Variants in PRKCA observed in about 807,000 individuals in gnomAD.
PRKCA encodes protein kinase C alpha, also known as protein kinase C alpha type.
In PRKCA, 27 loss-of-function variants were observed where a neutral mutation model predicts 87.0. The observed-to-expected ratio is 0.31, with a 90% CI of 0.23 to 0.43. The LOEUF is 0.43. Among genes scored for constraint, PRKCA ranks in the 20% least tolerant of loss-of-function variants. The pLI is 1.00. For missense variants in PRKCA, 518 were observed against 852.3 expected, an observed-to-expected ratio of 0.61 and a Z score of 4.88; for synonymous variants, 329 against 311.1, an observed-to-expected ratio of 1.06 and a Z score of -0.61.
At position 66,413,130 on chromosome 17, in the gene PRKCA, A is replaced by T. The variant is rs372627518; in HGVS notation, c.206-83071A>T. 1.3e-3 allele frequency among the ~76,000 whole-genome samples: 195 copies of T among 152,302 alleles called. 4 individuals are homozygous for T. In the South Asian group the frequency reaches 0.038, roughly 29 times the overall value. ...CTACTGCTTCTCTCCTCAGATGCCA[A>T]CGTAAATCGCCAGATTGTGACCTGT... On this transcript the variant is annotated intron_variant, in intron 2 of 16. Coordinates refer to ENST00000413366, the MANE Select transcript of PRKCA (RefSeq NM_002737.3).
intron 3 of PRKCA, among the ~76,000 whole-genome samples, chr17:66,602,743 G>T (rs1053033839): frequency 6.6e-6 from 1 of 152,204 alleles, no homozygotes; most frequent in Admixed American, 6.5e-5. Flanking sequence ...GGTGGCCTTG[G>T]AGGTTCTGGC....
Position 66,731,226 on chromosome 17 carries a change from C to A in PRKCA, c.919-1462C>A, listed in dbSNP as rs191202202. On this transcript the variant is annotated intron_variant, in intron 8 of 16. Coordinates refer to ENST00000413366, the MANE Select transcript of PRKCA (RefSeq NM_002737.3). ...AAATTAGCCATGCATGGTGGCGAAT[C>A]CCAGCTACTCAAGAGGCTGAGGCAG... Among the ~76,000 whole-genome samples the A allele has an allele frequency of 3.2e-3, 490 of 152,084 alleles. 10 individuals are homozygous for A. The highest frequency in any genetic ancestry group is 3.4e-3 in the Middle Eastern group (1 of 294).
rs141411114 is a variant in PRKCA, at chr17:66,745,145, G to A, written c.1524+2385G>A. Among the ~76,000 whole-genome samples the A allele has an allele frequency of 1.3e-3, 202 of 152,294 alleles. 1 individual carries two copies. The highest frequency in any genetic ancestry group is 5.8e-4 in the East Asian group (3 of 5,188). ...ATGTGGACATCTGTTGGGGAGAGGGGACTTAGTCTATCACACTTGTTATAT... is the reference window on the plus strand; with the variant it reads ...ATGTGGACATCTGTTGGGGAGAGGGAACTTAGTCTATCACACTTGTTATAT... On this transcript the variant is annotated intron_variant, in intron 13 of 16. Transcript: ENST00000413366.
intron 3 of PRKCA, among the ~76,000 whole-genome samples, chr17:66,585,184 C>T (rs1400838110): frequency 6.6e-6 from 1 of 152,142 alleles, no homozygotes; most frequent in Non-Finnish European, 1.5e-5. Context: ...ATGGCTGCCC[C>T]ACCCTAATCT....
At chr17:66,522,071 T>C (rs1421592175) in intron 3 of PRKCA, among the ~76,000 whole-genome samples, 1 of 152,194 alleles carries the variant, frequency 6.6e-6, no homozygotes, top group Non-Finnish European at 1.5e-5. Flanking sequence ...GCTTCCACCC[T>C]GTATGACAGA....
chr17:66,739,756 T>C (rs1974116000), intron 11 of PRKCA, among the ~76,000 whole-genome samples: 1 of 151,634 alleles, frequency 6.6e-6, no homozygotes, highest in East Asian at 1.9e-4. Context: ...GTGAGATTAT[T>C]TGAGGGGCGG....
chr17:66,314,856 T>C (rs1905225680), intron 2 of PRKCA, among the ~76,000 whole-genome samples: 1 of 139,428 alleles, frequency 7.2e-6, no homozygotes, highest in African/African-American at 2.7e-5. Flanking sequence ...TCTCTCTCTC[T>C]CTCTCTAGAT....
At chr17:66,647,319 C>G (rs1971482545) in intron 5 of PRKCA, among the ~76,000 whole-genome samples, 1 of 152,188 alleles carries the variant, frequency 6.6e-6, no homozygotes, top group South Asian at 2.1e-4. Context: ...CCATGCTTTT[C>G]TTACCTTTTC....
intron 14 of PRKCA, among the ~76,000 whole-genome samples, chr17:66,781,887 A>ATATATAGT (rs767300220): frequency 2.4e-4 from 30 of 125,616 alleles, no homozygotes; most frequent in African/African-American, 8.2e-4. Context: ...ATATATATAT[A>ATATATAGT]GTGTGTGTGT....
chr17:66,727,892 C>T (rs915302805), intron 8 of PRKCA, among the ~76,000 whole-genome samples: 2 of 152,144 alleles, frequency 1.3e-5, no homozygotes, highest in African/African-American at 4.8e-5. Flanking sequence ...TATGGTTCCT[C>T]GTCCCCCTGC....
chr17:66,377,140 C>T (rs1909467947), intron 2 of PRKCA, among the ~76,000 whole-genome samples: 1 of 152,132 alleles, frequency 6.6e-6, no homozygotes, highest in Non-Finnish European at 1.5e-5. Flanking sequence ...ATTTTCCTGC[C>T]TCAGCCTCCC....
intron 1 of PRKCA, 63 bp downstream of exon 1, chr17:66,303,087 G>A: frequency 6.4e-7 from 1 of 1,570,678 alleles, no homozygotes; most frequent in Non-Finnish European, 8.6e-7. Context: ...GGCACCCGGC[G>A]CTCCGGCGCG....
intron 3 of PRKCA, among the ~76,000 whole-genome samples, chr17:66,535,440 G>A (rs1202934603): frequency 1.3e-5 from 2 of 152,178 alleles, no homozygotes; most frequent in African/African-American, 4.8e-5. Context: ...ACACAAATGT[G>A]CAGTGCAGCT....
chr17:66,797,452 A>G (rs1264541785), intron 16 of PRKCA, among the ~76,000 whole-genome samples: 1 of 152,210 alleles, frequency 6.6e-6, no homozygotes, highest in African/African-American at 2.4e-5. Flanking sequence ...GCTTATTAAT[A>G]ACGTTCCTTC....
chr17:66,315,601 T>A (rs1905276349), intron 2 of PRKCA, among the ~76,000 whole-genome samples: 1 of 151,798 alleles, frequency 6.6e-6, no homozygotes, highest in Non-Finnish European at 1.5e-5. Context: ...TGTCTCAGCC[T>A]CCCGAGTAGC....
chr17:66,502,902 G>A (rs1916805579), intron 3 of PRKCA, among the ~76,000 whole-genome samples: 3 of 151,444 alleles, frequency 2.0e-5, no homozygotes, highest in African/African-American at 2.4e-5. Context: ...CTCGTGATCC[G>A]CCTGCCTTGG....
intron 3 of PRKCA, among the ~76,000 whole-genome samples, chr17:66,537,155 A>G (rs369510470): frequency 1.1e-4 from 17 of 152,274 alleles, no homozygotes; most frequent in African/African-American, 4.1e-4. Flanking sequence ...TGCCTACCCA[A>G]AATCAGAGGT....
chr17:66,624,149 G>T (rs1243554828), intron 3 of PRKCA, among the ~76,000 whole-genome samples: 1 of 152,128 alleles, frequency 6.6e-6, no homozygotes, highest in Non-Finnish European at 1.5e-5. Context: ...AGTGATGCAT[G>T]CCAGTCAGTG....
At chr17:66,311,744 T>A (rs1905094958) in intron 2 of PRKCA, among the ~76,000 whole-genome samples, 1 of 152,198 alleles carries the variant, frequency 6.6e-6, no homozygotes, top group African/African-American at 2.4e-5. Context: ...TGTTCCCATT[T>A]GGTGCTATAT....
Sources: gnomAD v4.1 joint callset for allele counts (sites outside exome capture counted in the v4.1 genomes callset) on GRCh38, gnomAD v4.1.1 for gene constraint, MANE v1.5 for transcripts, NCBI Gene and HGNC (gene_info 2026-07-23, HGNC 2026-07-21) for gene names.